The following EGFR variants were observed in gnomAD, a reference collection of about 807,000 sequenced individuals.
EGFR encodes avian erythroblastic leukemia viral (v-erb-b) oncogene homolog.
A neutral mutation model predicts 143.0 loss-of-function variants in EGFR; 58 were observed. The observed-to-expected ratio is 0.41, with a 90% confidence interval of 0.33 to 0.50. EGFR has a LOEUF of 0.50. Ranked by LOEUF, EGFR falls within the 20% of genes least tolerant of loss-of-function variation. The probability of loss-of-function intolerance (pLI) is 0.39; values close to 1 mark genes in which losing one functional copy is unlikely to be tolerated. For missense variants in EGFR, 1,307 were observed against 1,579.0 expected (o/e 0.83, Z 2.92); for synonymous variants, 613 against 594.4 (o/e 1.03, Z -0.45).
chr7:55,072,031 C>T (rs1407816978), intron 1 of EGFR, among the ~76,000 whole-genome samples: 1 of 151,512 alleles, frequency 6.6e-6, no homozygotes, highest in Non-Finnish European at 1.5e-5. Context: ...AATACTTTCG[C>T]ACACACTGTG....
At chr7:55,195,984 G>C (rs569690465) in intron 22 of EGFR, among the ~76,000 whole-genome samples, 1 of 152,160 alleles carries the variant, frequency 6.6e-6, no homozygotes, top group South Asian at 2.1e-4. Flanking sequence ...GTGAAAATAC[G>C]CATGCATATG....
In EGFR at chr7:55,056,097, C is replaced by T. The variant is rs550604521; in HGVS notation, c.88+36732C>T. 3.3e-5 allele frequency among the ~76,000 whole-genome samples: 5 copies of T among 152,260 alleles called. No homozygotes were observed. In the South Asian group the frequency reaches 1.0e-3, roughly 32 times the overall value. The stretch of plus-strand genomic sequence containing the variant: ...AAAGGTGAACATCCTTGGCTCCCAG[C>T]AGATGCTCCTCAAAACCTGAAAAAT... On this transcript the variant is annotated intron_variant, in intron 1 of 27. Coordinates refer to ENST00000275493, the MANE Select transcript of EGFR (RefSeq NM_005228.5).
At chr7:55,137,741 G>C (rs1002761736) in intron 1 of EGFR, among the ~76,000 whole-genome samples, 4 of 152,192 alleles carry the variant, frequency 2.6e-5, no homozygotes, top group Admixed American at 2.6e-4. Flanking sequence ...GGACAGTGTG[G>C]TGTGAGTCCA....
rs904960501 is a variant in EGFR, at chr7:55,198,632, G to A, written c.2702-85G>A. ...GTAGGTTTCTAAACATCAAGAAACA[G>A]TAACCAGTAATGATGACTAAAGCAA... On this transcript the variant is annotated intron_variant, in intron 22 of 27. Coordinates refer to ENST00000275493, the MANE Select transcript of EGFR (RefSeq NM_005228.5). 1.1e-5 allele frequency: 17 copies of A among 1,594,506 alleles called. No individual in the cohort carries two copies. The African/African-American group carries it at 1.9e-4, about 18-fold the overall frequency.
intron 12 of EGFR, 81 bp downstream of exon 12, chr7:55,160,419 T>G (rs1785640386): frequency 7.1e-7 from 1 of 1,401,036 alleles, no homozygotes; most frequent in South Asian, 1.3e-5. Flanking sequence ...GAAGGGCTAT[T>G]CCCATTTAAA....
intron 11 of EGFR, among the ~76,000 whole-genome samples, chr7:55,158,342 C>T (rs1204335450): frequency 6.6e-6 from 1 of 152,190 alleles, no homozygotes; most frequent in Non-Finnish European, 1.5e-5. Flanking sequence ...ATGGGAATCT[C>T]TTAGTGAAAC....
rs2128853254 is a variant in EGFR at position 55,019,271 on chromosome 7, A to G, written c.-7A>G. 6.7e-7 allele frequency: 1 copy of G among 1,496,968 alleles called. No individual in the cohort carries two copies. Among genetic ancestry groups the G allele is most frequent in the East Asian group, 2.9e-5 (1 of 34,926 alleles). 92.7% of individuals were successfully genotyped at this position (1,496,968 alleles called of 1,614,324 possible). A position where few individuals can be genotyped will look rare whatever the true frequency, so the allele number is the denominator to read the frequency against. The stretch of plus-strand genomic sequence containing the variant: ...GAGAGCCGGAGCGAGCTCTTCGGGG[A>G]GCAGCGATGCGACCCTCCGGGACGG... On this transcript the variant is annotated 5_prime_UTR_variant, in exon 1 of 28. Coordinates refer to ENST00000275493, the MANE Select transcript of EGFR (RefSeq NM_005228.5).
At chr7:55,156,249 C>T (rs1025842666) in intron 8 of EGFR, among the ~76,000 whole-genome samples, 2 of 152,140 alleles carry the variant, frequency 1.3e-5, no homozygotes, top group Non-Finnish European at 2.9e-5. Context: ...CAGCTCCAAG[C>T]GGCCCATGGG....
chr7:55,196,559 A>G (rs1164940747), intron 22 of EGFR, among the ~76,000 whole-genome samples: 1 of 152,122 alleles, frequency 6.6e-6, no homozygotes, highest in Non-Finnish European at 1.5e-5. Flanking sequence ...TTTTGTTGCA[A>G]TTGCTTGATG....
At position 55,205,473 on chromosome 7, in the gene EGFR, C is replaced by G. The variant is rs1318894874; in HGVS notation, c.3489C>G (p.His1163Gln). The change falls in exon 28 of 28, where the codon CAC becomes CAG. Residue 1163 changes from histidine (H) to glutamine (Q), a missense_variant. His to Gln is a conservative substitution (Grantham distance 24, BLOSUM62 0). Around this residue, in one of 7 missense-constraint regions of EGFR, gnomAD observed 313 missense variants for 312.3 expected, o/e 1.00. Coordinates refer to ENST00000275493, the MANE Select transcript of EGFR (RefSeq NM_005228.5). ...CCCACTGGGCCCAGAAAGGCAGCCA[C>G]CAAATTAGCCTGGACAACCCTGACT... ...SPAHWAQKGS[H>Q]QISLDNPDYQ... 6.2e-7 allele frequency: 1 copy of G among 1,614,200 alleles called. No individual in the cohort carries two copies. Among genetic ancestry groups the G allele is most frequent in the Non-Finnish European group, 8.5e-7 (1 of 1,180,038 alleles).
intron 1 of EGFR, among the ~76,000 whole-genome samples, chr7:55,058,848 A>C (rs1788994047): frequency 6.6e-6 from 1 of 152,248 alleles, no homozygotes; most frequent in African/African-American, 2.4e-5. Flanking sequence ...AATTTTTAAA[A>C]AGATGCTATG....
rs1785497590 is a variant in EGFR at position 55,157,686 on chromosome 7, C to G, written c.1231C>G (p.Pro411Ala). Residue 411 changes from proline to alanine, a missense_variant, in exon 11 of 28, where the codon CCT becomes GCT. Around this residue, in one of 7 missense-constraint regions of EGFR, gnomAD observed 250 missense variants for 295.1 expected, o/e 0.85. Coordinates refer to ENST00000275493, the MANE Select transcript of EGFR (RefSeq NM_005228.5). The part of the protein sequence containing the change: ...ITGFLLIQAW[P>A]ENRTDLHAFE... ...AGGGTTTTTGCTGATTCAGGCTTGG[C>G]CTGAAAACAGGACGGACCTCCATGC... 6.2e-7 allele frequency: 1 copy of G among 1,614,184 alleles called. No homozygotes were observed.
At position 55,021,471 on chromosome 7, in the gene EGFR, A is replaced by T. The variant is rs553065364; in HGVS notation, c.88+2106A>T. On this transcript the variant is annotated intron_variant, in intron 1 of 27. Coordinates refer to ENST00000275493, the MANE Select transcript of EGFR (RefSeq NM_005228.5). ...TTGGAGATTTGTTCCTGAGAAAAAT[A>T]TAAATACCACTTAATTTGCCTGTTT... is the stretch of plus-strand genomic sequence containing the variant. Among the ~76,000 whole-genome samples, 9 of 152,382 alleles carry T rather than the reference A, an allele frequency of 5.9e-5. No homozygotes were observed. The East Asian group carries it at 9.6e-4, about 16-fold the overall frequency.
intron 1 of EGFR, among the ~76,000 whole-genome samples, chr7:55,019,989 CA>C (rs1786443182): frequency 1.3e-5 from 2 of 152,230 alleles, no homozygotes; most frequent in African/African-American, 4.8e-5. Flanking sequence ...GGCCCCTCTC[CA>C]GGTCCCCGCG....
intron 1 of EGFR, among the ~76,000 whole-genome samples, chr7:55,114,112 A>G (rs1028451834): frequency 2.0e-5 from 3 of 152,260 alleles, no homozygotes; most frequent in Non-Finnish European, 4.4e-5. Context: ...TTACAAAAAT[A>G]TAGAAAAGCA....
chr7:55,181,743 T>C (rs1429695468), intron 20 of EGFR: 1 of 536,976 alleles, frequency 1.9e-6, no homozygotes, highest in Non-Finnish European at 3.4e-6. Flanking sequence ...TGGTCTGATG[T>C]CTCTGTTCTT....
intron 22 of EGFR, among the ~76,000 whole-genome samples, 177 bp from the exon 23 acceptor site, chr7:55,198,540 C>A (rs569167604): frequency 8.5e-5 from 13 of 152,304 alleles, no homozygotes; most frequent in Admixed American, 2.6e-4. Context: ...ACTGCTATTA[C>A]CCCACTTTAT....
chr7:55,182,610 A>C (rs1346713597), intron 20 of EGFR: 1 of 152,206 alleles, frequency 6.6e-6, no homozygotes, highest in East Asian at 1.9e-4. Context: ...CCTGGGACGC[A>C]TTGTAGAAGC....
At chr7:55,202,452 T>C in intron 26 of EGFR, 65 bp from the exon 27 acceptor site, 6 of 1,394,518 alleles carry the variant, frequency 4.3e-6, no homozygotes. Flanking sequence ...TCTCGGGTGA[T>C]TTTTGCAAAC....
Sources: gnomAD v4.1 joint callset for allele counts (sites outside exome capture counted in the v4.1 genomes callset) on GRCh38, gnomAD v4.1.1 for gene constraint, gnomAD v4.1.1 regional missense constraint, MANE v1.5 for transcripts, NCBI Gene and HGNC (gene_info 2026-07-23, HGNC 2026-07-21) for gene names.